Variants in SUMF1 observed in about 807,000 individuals in gnomAD.
The protein encoded by SUMF1 is sulfatase modifying factor 1.
Under a neutral mutation model 47.6 loss-of-function variants are expected in SUMF1, and 48 were observed. That is an observed-to-expected ratio of 1.01 (90% CI 0.80 to 1.28). The LOEUF (loss-of-function observed/expected upper bound fraction) is 1.28. Among genes scored for constraint, SUMF1 ranks in the 50% most tolerant of loss-of-function variants. The pLI is 0.00. For missense variants in SUMF1, 571 were observed against 485.4 expected (o/e 1.18, Z -1.66); for synonymous variants, 230 against 192.1 (o/e 1.20, Z -1.63).
At chr3:4,402,423 T>C (rs1701241556) in intron 7 of SUMF1, among the ~76,000 whole-genome samples, 1 of 152,208 alleles carries the variant, frequency 6.6e-6, no homozygotes, top group African/African-American at 2.4e-5. Flanking sequence ...GCATCTTGAT[T>C]CATCTGATTG....
intron 8 of SUMF1, among the ~76,000 whole-genome samples, chr3:4,255,608 C>A (rs1696932382): frequency 8.8e-6 from 1 of 114,052 alleles, no homozygotes; most frequent in South Asian, 3.0e-4. Flanking sequence ...CACCCAGATT[C>A]ATAAAGCAAG....
intron 8 of SUMF1, among the ~76,000 whole-genome samples, chr3:4,205,201 T>G (rs1225176954): frequency 6.6e-6 from 1 of 152,120 alleles, no homozygotes; most frequent in Non-Finnish European, 1.5e-5. Flanking sequence ...CCCCAACCCT[T>G]AAGAAGGTTC....
At position 4,178,353 on chromosome 3, in the gene SUMF1, T is replaced by G. The variant is rs890367835; in HGVS notation, c.1015-109608A>C. Among the ~76,000 whole-genome samples, 11 of 152,264 alleles carry G rather than the reference T, an allele frequency of 7.2e-5. 2 individuals carry two copies. Among genetic ancestry groups the G allele is most frequent in the Admixed American group, 6.5e-5 (1 of 15,288 alleles). ...AAAAGCTTATCCACCACAATCAATT[T>G]GGCTTCATCCCTGGGATGCAAGTCT... On this transcript the variant is annotated intron_variant and NMD_transcript_variant, in intron 8 of 12. Coordinates refer to the SUMF1 transcript ENST00000448413.
At position 4,361,738 on chromosome 3, in the gene SUMF1, G is replaced by C. The variant is rs1699764373; in HGVS notation, c.*406C>G. ...CTTTTTAGAACTGGTGAGTTGGAGAGACACCCAGAGGTCATGCTGTCCATC... is the reference window on the plus strand; with the variant it reads ...CTTTTTAGAACTGGTGAGTTGGAGACACACCCAGAGGTCATGCTGTCCATC... On this transcript the variant is annotated 3_prime_UTR_variant, in exon 9 of 9. Coordinates refer to ENST00000272902, the MANE Select transcript of SUMF1 (RefSeq NM_182760.4). The C allele has an allele frequency of 8.9e-6, 2 of 225,432 alleles. No homozygotes were observed. Among genetic ancestry groups the C allele is most frequent in the Non-Finnish European group, 1.8e-5 (2 of 112,146 alleles). 14.0% of individuals were successfully genotyped at this position (225,432 alleles called of 1,614,324 possible).
At chr3:4,283,833 G>T (rs546914327) in intron 8 of SUMF1, among the ~76,000 whole-genome samples, 1 of 152,104 alleles carries the variant, frequency 6.6e-6, no homozygotes. Flanking sequence ...AGCATATTTG[G>T]CGTCTGGTAA....
At chr3:4,038,409 C>T (rs890281281) in intron 9 of SUMF1, among the ~76,000 whole-genome samples, 10 of 152,118 alleles carry the variant, frequency 6.6e-5, no homozygotes, top group Middle Eastern at 3.2e-3. Flanking sequence ...AAGACACTTA[C>T]GGTCTTTGCT....
chr3:4,280,319 T>C (rs1041365686), intron 8 of SUMF1, among the ~76,000 whole-genome samples: 2 of 152,154 alleles, frequency 1.3e-5, no homozygotes, highest in Non-Finnish European at 2.9e-5. Context: ...TAAAAAGCTT[T>C]AGCCTACTCC....
intron 8 of SUMF1, among the ~76,000 whole-genome samples, chr3:4,139,908 T>C (rs1694035219): frequency 6.6e-6 from 1 of 152,022 alleles, no homozygotes; most frequent in Non-Finnish European, 1.5e-5. Flanking sequence ...CACATGCTCT[T>C]GGCATACGTA....
chr3:4,077,851 A>T (rs1692473904), intron 8 of SUMF1, among the ~76,000 whole-genome samples: 1 of 152,212 alleles, frequency 6.6e-6, no homozygotes, highest in Non-Finnish European at 1.5e-5. Context: ...AGTAAAATTC[A>T]TGCTAATAAT....
intron 3 of SUMF1, among the ~76,000 whole-genome samples, chr3:4,437,877 T>G (rs1559299586): frequency 1.3e-5 from 2 of 152,120 alleles, no homozygotes; most frequent in South Asian, 2.1e-4. Flanking sequence ...AGGCAGAGAT[T>G]GCAGTGAGCT....
intron 8 of SUMF1, among the ~76,000 whole-genome samples, chr3:4,155,434 T>C (rs1211745889): frequency 4.0e-5 from 6 of 151,556 alleles, no homozygotes; most frequent in Non-Finnish European, 8.8e-5. Flanking sequence ...GCATGCGATG[T>C]TCTCATGTCA....
intron 8 of SUMF1, among the ~76,000 whole-genome samples, chr3:4,309,966 ATAGCCTAC>A (rs1345661930): frequency 6.6e-6 from 1 of 152,240 alleles, no homozygotes; most frequent in Non-Finnish European, 1.5e-5. Context: ...CCTAGATGGT[ATAGCCTAC>A]TACACACTTA....
chr3:4,363,283 C>T (rs368222243), intron 8 of SUMF1, among the ~76,000 whole-genome samples: 6 of 152,062 alleles, frequency 3.9e-5, no homozygotes, highest in Admixed American at 1.3e-4. Context: ...GCCAGTAGAT[C>T]GGCAAAAAAT....
chr3:4,098,767 G>T (rs565204036), intron 8 of SUMF1, among the ~76,000 whole-genome samples: 12 of 152,156 alleles, frequency 7.9e-5, no homozygotes, highest in Non-Finnish European at 8.8e-5. Context: ...ATCCTTCATG[G>T]TTTCAAACCA....
intron 8 of SUMF1, among the ~76,000 whole-genome samples, chr3:4,116,435 CAA>C (rs60727056): frequency 0.02 from 3,027 of 152,178 alleles, 49 homozygotes; most frequent in Non-Finnish European, 0.031. Context: ...CCTAAATTTT[CAA>C]AAGAGTTATT....
intron 8 of SUMF1, among the ~76,000 whole-genome samples, chr3:4,309,789 T>A (rs967049800): frequency 6.6e-6 from 1 of 152,202 alleles, no homozygotes; most frequent in African/African-American, 2.4e-5. Context: ...CTGGCTTAGG[T>A]CATATCAGCT....
In SUMF1 at chr3:4,376,342, G is replaced by A. The variant is rs752362094; in HGVS notation, c.1002C>T (p.Tyr334=). The A allele has an allele frequency of 1.1e-5, 17 of 1,614,036 alleles. No homozygotes were observed. The highest frequency in any genetic ancestry group is 2.2e-5 in the South Asian group (2 of 91,094). The change falls in exon 8 of 9, where the codon TAC becomes TAT. Residue 334 remains tyrosine (Y), a synonymous_variant. Transcript: ENST00000272902. ...TGACATGACTTACCCTATGGCACAT[G>A]TAGGATCCACCTTTCTTCACTCGGT... is the stretch of plus-strand genomic sequence containing the variant. The part of the protein sequence containing the change: ...GKDRVKKGGS[Y]MCHRSYCYRY...
downstream of SUMF1, among the ~76,000 whole-genome samples, chr3:4,359,893 C>T (rs901991332): frequency 6.6e-6 from 1 of 152,112 alleles, no homozygotes; most frequent in East Asian, 1.9e-4. Context: ...CCTCTCGCCT[C>T]GACTTCCCAA....
intron 8 of SUMF1, among the ~76,000 whole-genome samples, chr3:4,134,959 C>G (rs1219779975): frequency 6.6e-6 from 1 of 152,114 alleles, no homozygotes; most frequent in Non-Finnish European, 1.5e-5. Context: ...ATAACAGGCT[C>G]TGAAATTGTG....
Sources: gnomAD v4.1 joint callset for allele counts (sites outside exome capture counted in the v4.1 genomes callset) on GRCh38, gnomAD v4.1.1 for gene constraint, MANE v1.5 for transcripts, NCBI Gene and HGNC (gene_info 2026-07-23, HGNC 2026-07-21) for gene names.